The following KLB variants were observed in gnomAD, a reference collection of about 807,000 sequenced individuals.
KLB encodes beta-klotho.
A neutral mutation model predicts 88.4 loss-of-function variants in KLB; 44 were observed. The ratio of observed to expected loss-of-function variants is 0.50; its 90% CI spans 0.39 to 0.64. KLB has a LOEUF of 0.64. Ranked by LOEUF, KLB falls within the 30% of genes least tolerant of loss-of-function variation. The probability of loss-of-function intolerance (pLI) is 0.00; values close to 1 mark genes in which losing one functional copy is unlikely to be tolerated. For missense variants in KLB, 1,137 were observed against 1,304.8 expected, an observed-to-expected ratio of 0.87 and a Z score of 1.98; for synonymous variants, 548 against 513.4, an observed-to-expected ratio of 1.07 and a Z score of -0.91.
chr4:39,426,201 G>T (rs1451629302), intron 1 of KLB, among the ~76,000 whole-genome samples: 1 of 148,962 alleles, frequency 6.7e-6, no homozygotes, highest in Non-Finnish European at 1.5e-5. Flanking sequence ...GCAGTGAGCC[G>T]AGATTGTGAC....
At position 39,442,529 on chromosome 4, in the gene KLB, G is replaced by T. The variant is rs1743633039; in HGVS notation, c.1606-3803G>T. Reference sequence around the variant, plus strand: ...GCTTACTGCAACCTCTGCCTCCCGGGTTCAAGAGATTCCCCTGCCTCAGCC... The same window carrying T: ...GCTTACTGCAACCTCTGCCTCCCGGTTTCAAGAGATTCCCCTGCCTCAGCC... On this transcript the variant is annotated intron_variant, in intron 3 of 4. Coordinates refer to ENST00000257408, the MANE Select transcript of KLB (RefSeq NM_175737.4). 2.6e-5 allele frequency among the ~76,000 whole-genome samples: 4 copies of T among 151,326 alleles called. No individual in the cohort carries two copies. The South Asian group carries it at 8.3e-4, about 31-fold the overall frequency.
chr4:39,413,262 C>T (rs1204463850), intron 1 of KLB, among the ~76,000 whole-genome samples: 2 of 152,150 alleles, frequency 1.3e-5, no homozygotes, highest in Non-Finnish European at 2.9e-5. Flanking sequence ...TGTTTTCATT[C>T]TATTTTTAAA....
rs1743867510 is a variant in KLB, at chr4:39,450,484, A to G, written c.*1798A>G. ...AATTAGTCAATTTGAGTAAATGCAA[A>G]TATGATGAGAAATCAATTTGCTATT... On this transcript the variant is annotated 3_prime_UTR_variant, in exon 5 of 5. Coordinates refer to ENST00000257408, the MANE Select transcript of KLB (RefSeq NM_175737.4). 3 of 152,242 alleles carry G rather than the reference A, an allele frequency of 2.0e-5. No individual in the cohort carries two copies. Among genetic ancestry groups the G allele is most frequent in the Admixed American group, 1.3e-4 (2 of 15,282 alleles). The allele number at this position is 152,242 out of a possible 1,614,324, so 9.4% of individuals were successfully genotyped here.
At chr4:39,420,713 C>T (rs1166208170) in intron 1 of KLB, among the ~76,000 whole-genome samples, 2 of 152,036 alleles carry the variant, frequency 1.3e-5, no homozygotes, top group African/African-American at 2.4e-5. Context: ...CAAGGTCTGA[C>T]TCTTGTTGCC....
intron 1 of KLB, among the ~76,000 whole-genome samples, chr4:39,429,902 G>C (rs1257186635): frequency 2.0e-5 from 3 of 152,202 alleles, no homozygotes; most frequent in Non-Finnish European, 4.4e-5. Context: ...TGAGAATGAA[G>C]AGGCTGTCTT....
rs370139894 is a variant in KLB, at chr4:39,447,330, G to T, written c.2604G>T (p.Gly868=). 212 of 1,614,160 alleles carry T rather than the reference G, an allele frequency of 1.3e-4. 1 individual carries two copies. The East Asian group carries it at 3.8e-3, about 29-fold the overall frequency. ...CGCGCCTGGCTGTGATTCCCTGGGGGGTGCGCAAGCTGCTGCGGTGGGTCC... is the reference window on the plus strand; with the variant it reads ...CGCGCCTGGCTGTGATTCCCTGGGGTGTGCGCAAGCTGCTGCGGTGGGTCC... The part of the protein sequence containing the change: ...SPTRLAVIPW[G]VRKLLRWVRR... Residue 868 remains glycine (G), a synonymous_variant, in exon 4 of 5, where the codon GGG becomes GGT. Coordinates refer to ENST00000257408, the MANE Select transcript of KLB (RefSeq NM_175737.4).
In KLB at chr4:39,436,660, C is replaced by T. The variant is rs191201663; in HGVS notation, c.1337-1067C>T. Among the ~76,000 whole-genome samples, 206 of 152,082 alleles carry T rather than the reference C, an allele frequency of 1.4e-3. 1 individual carries two copies. The highest frequency in any genetic ancestry group is 4.8e-3 in the African/African-American group (198 of 41,496). ...TTAAGAAAGAAAAAAGGATTCAGGG[C>T]TAATTTGGGTATTTGTTGTTTGGAC... On this transcript the variant is annotated intron_variant, in intron 2 of 4. Coordinates refer to ENST00000257408, the MANE Select transcript of KLB (RefSeq NM_175737.4).
chr4:39,434,173 G>T, intron 1 of KLB, 37 bp from the exon 2 acceptor site: 1 of 1,556,476 alleles, frequency 6.4e-7, no homozygotes, highest in East Asian at 2.2e-5. Context: ...CCTTGTAAGT[G>T]AGGACAACAA....
In KLB at chr4:39,406,975, C is replaced by A. The variant is rs10003369; in HGVS notation, c.26C>A (p.Ser9Tyr). 1,815 of 1,611,720 alleles carry A rather than the reference C, an allele frequency of 1.1e-3. 24 individuals are homozygous for A. The African/African-American group carries it at 0.021, about 19-fold the overall frequency. ...ATGAAGCCAGGCTGTGCGGCAGGAT[C>A]TCCAGGGAATGAATGGATTTTCTTC... MKPGCAAG[S>Y]PGNEWIFFST... The change falls in exon 1 of 5, where the codon TCT (serine) becomes TAT (tyrosine). Residue 9 changes from serine to tyrosine, a missense_variant. Ser to Tyr is a moderately radical substitution (Grantham distance 144). Transcript: ENST00000257408.
chr4:39,449,016 A>T lies in KLB; in HGVS notation c.*330A>T, dbSNP rs116491942. On this transcript the variant is annotated 3_prime_UTR_variant, in exon 5 of 5. Coordinates refer to ENST00000257408, the MANE Select transcript of KLB (RefSeq NM_175737.4). ...ACCAATAGCTACTTGTGGTACAATA[A>T]ATTATTTTTAAGAAGTAAAACTCTG... 4.9e-6 allele frequency: 1 copy of T among 204,652 alleles called. No individual in the cohort carries two copies. Among genetic ancestry groups the T allele is most frequent in the African/African-American group, 2.3e-5 (1 of 43,194 alleles). 12.7% of individuals were successfully genotyped at this position (204,652 alleles called of 1,614,324 possible).
intron 1 of KLB, among the ~76,000 whole-genome samples, chr4:39,411,336 G>GTTT (rs58256883): frequency 2.0e-5 from 1 of 50,166 alleles, no homozygotes; most frequent in African/African-American, 6.5e-5. Flanking sequence ...GTTTTGTTTT[G>GTTT]ATTTTTTTTT....
In KLB at chr4:39,446,924, C is replaced by T. The variant is rs1743761617; in HGVS notation, c.2198C>T (p.Ser733Leu). Residue 733 changes from serine to leucine, a missense_variant, in exon 4 of 5, where the codon TCA (serine) becomes TTA (leucine). This residue lies in a region of KLB where 426 missense variants were observed against 404.6 expected (regional missense o/e 1.05). Coordinates refer to ENST00000257408, the MANE Select transcript of KLB (RefSeq NM_175737.4). The surrounding 1 kb of genome is among the most constrained non-coding windows in gnomAD (Gnocchi z 6.4). The part of the protein sequence containing the change: ...WRLYDRQFRP[S>L]QRGAVSLSLH... ...CTCTACGACCGGCAGTTCAGGCCCT[C>T]ACAGCGCGGGGCCGTGTCGCTGTCG... The T allele has an allele frequency of 1.9e-6, 3 of 1,604,350 alleles. No homozygotes were observed. The highest frequency in any genetic ancestry group is 2.5e-6 in the Non-Finnish European group (3 of 1,178,714).
chr4:39,414,205 A>G (rs1742918119), intron 1 of KLB, among the ~76,000 whole-genome samples: 1 of 152,160 alleles, frequency 6.6e-6, no homozygotes, highest in Non-Finnish European at 1.5e-5. Flanking sequence ...GAGGGGCATA[A>G]AAATGATTAT....
intron 2 of KLB, among the ~76,000 whole-genome samples, chr4:39,434,988 G>A (rs1743441398): frequency 6.6e-6 from 1 of 151,606 alleles, no homozygotes; most frequent in Non-Finnish European, 1.5e-5. Context: ...TGTATTTTTA[G>A]TAGAGACAGG....
chr4:39,435,551 G>A (rs1249783685), intron 2 of KLB, among the ~76,000 whole-genome samples: 2 of 151,854 alleles, frequency 1.3e-5, no homozygotes, highest in African/African-American at 4.8e-5. Context: ...TCAGCCTCCC[G>A]AGTAGCTGGG....
Position 39,447,022 on chromosome 4 carries a change from C to T in KLB, c.2296C>T (p.Gln766Ter). 3 of 1,611,410 alleles carry T rather than the reference C, an allele frequency of 1.9e-6. No homozygotes were observed. The highest frequency in any genetic ancestry group is 2.5e-6 in the Non-Finnish European group (3 of 1,179,960). ...CTGGAGGGCGGCCGAGCGCTTCCTG[C>T]AGTTCGAGATCGCCTGGTTCGCCGA... ...SHWRAAERFL[Q>*]FEIAWFAEPL... The change falls in exon 4 of 5, where the codon CAG (glutamine) becomes TAG (stop). Residue 766 changes from glutamine to a stop codon, truncating the protein, a stop_gained. Coordinates refer to ENST00000257408, the MANE Select transcript of KLB (RefSeq NM_175737.4). LOFTEE classifies it high-confidence loss of function.
At position 39,448,484 on chromosome 4, in the gene KLB, A is replaced by C; in HGVS notation, c.2933A>C (p.Gln978Pro). 6.2e-7 allele frequency: 1 copy of C among 1,614,176 alleles called. No homozygotes were observed. Among genetic ancestry groups the C allele is most frequent in the Non-Finnish European group, 8.5e-7 (1 of 1,179,982 alleles). Reference protein sequence around the residue: ...PFENSSSRCSQTQENTECTVC... With the variant: ...PFENSSSRCSPTQENTECTVC... ...GAGAACAGTAGTTCTAGATGCAGTCAGACCCAAGAAAATACAGAGTGCACT... is the reference window on the plus strand; with the variant it reads ...GAGAACAGTAGTTCTAGATGCAGTCCGACCCAAGAAAATACAGAGTGCACT... Residue 978 changes from glutamine (Q) to proline (P), a missense_variant, in exon 5 of 5, where the codon CAG becomes CCG. Transcript: ENST00000257408.
chr4:39,415,517 A>T (rs955780404), intron 1 of KLB, among the ~76,000 whole-genome samples: 2 of 152,090 alleles, frequency 1.3e-5, no homozygotes, highest in African/African-American at 2.4e-5. Context: ...AATAAATAAA[A>T]TTTCAAAAAT....
intron 1 of KLB, among the ~76,000 whole-genome samples, chr4:39,431,531 A>G (rs989221534): frequency 2.6e-5 from 4 of 152,170 alleles, no homozygotes; most frequent in African/African-American, 9.7e-5. Context: ...GATTACAGGC[A>G]TGAGCCACCA....
Sources: allele counts gnomAD v4.1 joint callset (sites outside exome capture counted in the v4.1 genomes callset), GRCh38; gene constraint gnomAD v4.1.1; regional missense constraint gnomAD v4.1.1; non-coding constraint Gnocchi (gnomAD v3.1); transcripts MANE v1.5; gene names NCBI Gene and HGNC (gene_info 2026-07-23, HGNC 2026-07-21).